KCNH7: variants seen among roughly 807,000 people sequenced by gnomAD.
KCNH7 encodes voltage-gated inwardly rectifying potassium channel KCNH7.
Under a neutral mutation model 120.8 loss-of-function variants are expected in KCNH7, and 49 were observed. The ratio of observed to expected loss-of-function variants is 0.41; its 90% CI spans 0.32 to 0.51. KCNH7 has a LOEUF of 0.51. Among genes scored for constraint, KCNH7 ranks in the 20% least tolerant of loss-of-function variants. The probability of loss-of-function intolerance (pLI) is 0.38; values close to 1 mark genes in which losing one functional copy is unlikely to be tolerated. For synonymous variants in KCNH7, 547 were observed against 516.1 expected (o/e 1.06, Z -0.81); for missense variants, 1,097 against 1,446.6 (o/e 0.76, Z 3.92).
At chr2:162,447,367 CA>C (rs1693699352) in intron 6 of KCNH7, among the ~76,000 whole-genome samples, 2 of 151,930 alleles carry the variant, frequency 1.3e-5, no homozygotes, top group South Asian at 4.1e-4. Context: ...AAAGTCAAAA[CA>C]AAAAGGTTAC....
At chr2:162,458,181 G>A (rs921871888) in intron 6 of KCNH7, among the ~76,000 whole-genome samples, 1 of 151,302 alleles carries the variant, frequency 6.6e-6, no homozygotes, top group African/African-American at 2.4e-5. Flanking sequence ...TTAGATTCAG[G>A]TTCAGCTAAG....
chr2:162,421,472 T>G (rs1248160979), intron 9 of KCNH7, among the ~76,000 whole-genome samples: 2 of 152,178 alleles, frequency 1.3e-5, no homozygotes, highest in Non-Finnish European at 2.9e-5. Context: ...TCTTCCCCAG[T>G]TTCTTGCTTT....
chr2:162,538,638 T>C (rs1207495243), intron 2 of KCNH7, among the ~76,000 whole-genome samples: 1 of 152,066 alleles, frequency 6.6e-6, no homozygotes, highest in East Asian at 1.9e-4. Flanking sequence ...ATAAGAAAAC[T>C]CTTTCCTTTC....
At chr2:162,793,698 A>G (rs1465699725) in intron 2 of KCNH7, among the ~76,000 whole-genome samples, 3 of 152,052 alleles carry the variant, frequency 2.0e-5, no homozygotes, top group African/African-American at 7.2e-5. Context: ...AGAAGTAGAG[A>G]GTAGAATAGT....
chr2:162,373,406 G>A (rs1047314038), intron 15 of KCNH7, 64 bp downstream of exon 15: 2 of 1,169,376 alleles, frequency 1.7e-6, no homozygotes, highest in East Asian at 5.7e-5. Context: ...AAGTGATTCT[G>A]ATTAGGTGAC....
intron 5 of KCNH7, among the ~76,000 whole-genome samples, chr2:162,508,222 C>A (rs1463446489): frequency 6.6e-6 from 1 of 151,206 alleles, no homozygotes; most frequent in African/African-American, 2.4e-5. Flanking sequence ...GATAAAATGT[C>A]ATACTCAAAT....
intron 2 of KCNH7, among the ~76,000 whole-genome samples, chr2:162,832,458 C>T (rs934975890): frequency 6.6e-6 from 1 of 151,992 alleles, no homozygotes; most frequent in African/African-American, 2.4e-5. Context: ...TACACATAAG[C>T]ATGTTTATTT....
chr2:162,411,702 T>C (rs1019660402), intron 9 of KCNH7, among the ~76,000 whole-genome samples: 4 of 151,944 alleles, frequency 2.6e-5, no homozygotes, highest in African/African-American at 7.2e-5. Flanking sequence ...AGTATTAGTC[T>C]TAACACTTCT....
chr2:162,632,016 T>C (rs1683785224), intron 2 of KCNH7, among the ~76,000 whole-genome samples: 1 of 151,984 alleles, frequency 6.6e-6, no homozygotes, highest in African/African-American at 2.4e-5. Context: ...CATATGTAGG[T>C]CTTATTCATT....
chr2:162,409,979 A>G (rs1355565067), intron 9 of KCNH7, among the ~76,000 whole-genome samples: 1 of 151,996 alleles, frequency 6.6e-6, no homozygotes, highest in Non-Finnish European at 1.5e-5. Context: ...TAGGAAGTAT[A>G]AATATTGTTA....
intron 2 of KCNH7, among the ~76,000 whole-genome samples, chr2:162,588,088 C>T (rs1694078941): frequency 6.6e-6 from 1 of 152,054 alleles, no homozygotes; most frequent in Non-Finnish European, 1.5e-5. Flanking sequence ...ACTGAACTAG[C>T]TGTTGAAAGA....
At chr2:162,828,695 T>C (rs1007156846) in intron 2 of KCNH7, among the ~76,000 whole-genome samples, 2 of 152,132 alleles carry the variant, frequency 1.3e-5, no homozygotes, top group Admixed American at 1.3e-4. Context: ...GGAAAGAAAG[T>C]GCAGGTAAGC....
Position 162,435,385 on chromosome 2 carries a change from A to G in KCNH7, c.1767T>C (p.Asp589=), listed in dbSNP as rs761634123. 4.6e-5 allele frequency: 74 copies of G among 1,613,696 alleles called. 1 individual carries two copies. The Admixed American group carries it at 9.0e-4, about 20-fold the overall frequency. The stretch of plus-strand genomic sequence containing the variant: ...GTTTCCCAATTTGCTGTCCTAAGGA[A>G]TCCAACCATCCGATTTTGTCAGTCA... ...PYLTDKIGWL[D]SLGQQIGKRY... is the part of the protein sequence containing the mutation. Residue 589 remains aspartate (D), a synonymous_variant, in exon 8 of 16, where the codon GAT becomes GAC. Coordinates refer to ENST00000332142, the MANE Select transcript of KCNH7 (RefSeq NM_033272.4).
At chr2:162,727,411 G>T (rs1432615536) in intron 2 of KCNH7, among the ~76,000 whole-genome samples, 3 of 151,982 alleles carry the variant, frequency 2.0e-5, no homozygotes, top group Non-Finnish European at 4.4e-5. Context: ...TTTGACATAG[G>T]TTTAAACTCT....
At chr2:162,403,344 C>T (rs1394943878) in intron 9 of KCNH7, among the ~76,000 whole-genome samples, 1 of 151,932 alleles carries the variant, frequency 6.6e-6, no homozygotes, top group Non-Finnish European at 1.5e-5. Context: ...TTTTTCCTTG[C>T]ATCTCGCTAT....
intron 9 of KCNH7, among the ~76,000 whole-genome samples, chr2:162,405,298 C>T (rs553764568): frequency 6.6e-6 from 1 of 152,080 alleles, no homozygotes; most frequent in Non-Finnish European, 1.5e-5. Context: ...GAAATGCTTT[C>T]TGTGATTGTT....
At chr2:162,755,009 C>A (rs1198875596) in intron 2 of KCNH7, among the ~76,000 whole-genome samples, 1 of 147,150 alleles carries the variant, frequency 6.8e-6, no homozygotes, top group Admixed American at 6.6e-5. Flanking sequence ...CCCAGAAATA[C>A]AAAGCTTCCT....
intron 2 of KCNH7, among the ~76,000 whole-genome samples, chr2:162,581,024 C>T (rs892259913): frequency 3.3e-5 from 5 of 151,978 alleles, no homozygotes; most frequent in Non-Finnish European, 5.9e-5. Context: ...CATTGCTTTG[C>T]CGTAATTAAA....
At chr2:162,836,453 G>C in intron 2 of KCNH7, 84 bp downstream of exon 2, 8 of 1,011,934 alleles carry the variant, frequency 7.9e-6, no homozygotes, top group Non-Finnish European at 1.2e-5. Flanking sequence ...AACATTTTGG[G>C]CTTCTTTGCA....
Sources: allele counts gnomAD v4.1 joint callset (sites outside exome capture counted in the v4.1 genomes callset), GRCh38; gene constraint gnomAD v4.1.1; transcripts MANE v1.5; gene names NCBI Gene and HGNC (gene_info 2026-07-23, HGNC 2026-07-21).